C6orf89: variants seen among roughly 807,000 people sequenced by gnomAD.
C6orf89 encodes chromosome 6 open reading frame 89, also known as bombesin receptor-activated protein C6orf89.
C6orf89 carries 29 observed loss-of-function variants against 40.7 expected under a neutral mutation model. The ratio of observed to expected loss-of-function variants is 0.71; its 90% CI spans 0.53 to 0.97. C6orf89 has a LOEUF of 0.97. C6orf89 is among the 50% of genes least tolerant of loss of function. C6orf89 has a pLI of 0.00. For synonymous variants in C6orf89, 165 were observed against 152.2 expected (o/e 1.08, Z -0.62); for missense variants, 392 against 429.1 (o/e 0.91, Z 0.76).
intron 1 of C6orf89, among the ~76,000 whole-genome samples, chr6:36,878,079 C>G (rs1774707335): frequency 6.6e-6 from 1 of 152,190 alleles, no homozygotes; most frequent in African/African-American, 2.4e-5. Flanking sequence ...TGCAATGCAT[C>G]TAGAACTTAT....
intron 1 of C6orf89, among the ~76,000 whole-genome samples, chr6:36,893,039 A>T (rs756864499): frequency 6.6e-6 from 1 of 151,604 alleles, no homozygotes; most frequent in African/African-American, 2.4e-5. Flanking sequence ...GGGTCACGCC[A>T]TTCTCCTGCC....
chr6:36,886,009 G>T lies in C6orf89; in HGVS notation c.-139G>T. 9.1e-7 allele frequency: 1 copy of T among 1,096,850 alleles called. No homozygotes were observed. The highest frequency in any genetic ancestry group is 1.1e-6 in the Non-Finnish European group (1 of 922,478). The allele number at this position is 1,096,850 out of a possible 1,614,324, so 67.9% of individuals were successfully genotyped here. A position where few individuals can be genotyped will look rare whatever the true frequency, so the allele number is the denominator to read the frequency against. On this transcript the variant is annotated 5_prime_UTR_variant, in exon 1 of 9. Transcript: ENST00000480824. ...GCTGTCCCCGAGGCGGGAGGAGCCC[G>T]AGGGGCGCGAGCCCCGCATGTGAGT...
At chr6:36,901,321 A>AATT (rs1761689254) in intron 3 of C6orf89, among the ~76,000 whole-genome samples, 1 of 19,026 alleles carries the variant, frequency 5.3e-5, no homozygotes, top group Non-Finnish European at 1.0e-4. Context: ...TATTATTATT[A>AATT]TTTTTTTTTT....
chr6:36,921,756 G>T (rs937655330), intron 8 of C6orf89, among the ~76,000 whole-genome samples: 1 of 152,058 alleles, frequency 6.6e-6, no homozygotes, highest in Non-Finnish European at 1.5e-5. Context: ...GGCTGAGCAG[G>T]GTAGCTCACA....
upstream of C6orf89, among the ~76,000 whole-genome samples, chr6:36,883,035 G>A (rs992609107): frequency 2.6e-5 from 4 of 152,160 alleles, no homozygotes; most frequent in Non-Finnish European, 4.4e-5. Flanking sequence ...CACCGCGCCC[G>A]GCCTGAATTG....
intron 4 of C6orf89, among the ~76,000 whole-genome samples, chr6:36,904,610 G>T (rs949860376): frequency 6.6e-6 from 1 of 152,150 alleles, no homozygotes; most frequent in Admixed American, 6.5e-5. Flanking sequence ...AGAATTAAGT[G>T]CAACTTAATC....
chr6:36,901,318 A>ATTTTTTT (rs1408790414), intron 3 of C6orf89, among the ~76,000 whole-genome samples: 63 of 65,032 alleles, frequency 9.7e-4, no homozygotes, highest in Non-Finnish European at 1.3e-3. Context: ...TATTATTATT[A>ATTTTTTT]TTATTTTTTT....
intron 4 of C6orf89, among the ~76,000 whole-genome samples, chr6:36,911,916 T>C: frequency 7.0e-6 from 1 of 143,478 alleles, no homozygotes; most frequent in South Asian, 2.2e-4. Context: ...ATATTTCACT[T>C]CTCATCACAG....
At position 36,925,443 on chromosome 6, in the gene C6orf89, A is replaced by G. The variant is rs892962327; in HGVS notation, c.*2002A>G. 6.6e-6 allele frequency: 1 copy of G among 152,140 alleles called. No homozygotes were observed. The highest frequency in any genetic ancestry group is 2.4e-5 in the African/African-American group (1 of 41,416). The allele number at this position is 152,140 out of a possible 1,614,324, so 9.4% of individuals were successfully genotyped here. On this transcript the variant is annotated 3_prime_UTR_variant, in exon 9 of 9. Coordinates refer to ENST00000480824, the MANE Select transcript of C6orf89 (RefSeq NM_001286635.2). Reference sequence around the variant, plus strand: ...TTCACATCTTAAATGTCCATAAGAAACCCTTGCATGTGTTGGTATTCTGAG... The same window carrying G: ...TTCACATCTTAAATGTCCATAAGAAGCCCTTGCATGTGTTGGTATTCTGAG...
intron 8 of C6orf89, among the ~76,000 whole-genome samples, chr6:36,922,413 C>T (rs538938959): frequency 1.3e-5 from 2 of 152,228 alleles, no homozygotes; most frequent in East Asian, 3.9e-4. Context: ...TTCAGCATCA[C>T]TGGGGATTAT....
intron 4 of C6orf89, among the ~76,000 whole-genome samples, chr6:36,912,713 AAGGT>A (rs1036970067): frequency 6.6e-6 from 1 of 152,136 alleles, no homozygotes; most frequent in Non-Finnish European, 1.5e-5. Flanking sequence ...CTGGCTGAGA[AAGGT>A]AGGTGGCAGT....
intron 6 of C6orf89, 54 bp downstream of exon 6, chr6:36,914,747 T>C: frequency 1.3e-6 from 2 of 1,591,070 alleles, no homozygotes; most frequent in East Asian, 4.5e-5. Flanking sequence ...CCCAGCACTT[T>C]GGGAGGCCGA....
chr6:36,910,882 T>G (rs2150705601), intron 4 of C6orf89, among the ~76,000 whole-genome samples: 1 of 152,324 alleles, frequency 6.6e-6, no homozygotes, highest in East Asian at 1.9e-4. Flanking sequence ...TATTTTCCAT[T>G]TCAGTTTTTA....
chr6:36,898,704 A>G (rs1761544777), intron 2 of C6orf89, among the ~76,000 whole-genome samples: 1 of 152,174 alleles, frequency 6.6e-6, no homozygotes, highest in Non-Finnish European at 1.5e-5. Flanking sequence ...TAGGAACACA[A>G]ATTGAATTTT....
chr6:36,896,365 C>G (rs956948074), intron 2 of C6orf89, among the ~76,000 whole-genome samples: 2 of 152,164 alleles, frequency 1.3e-5, no homozygotes, highest in Admixed American at 1.3e-4. Flanking sequence ...CCTTGGCCTT[C>G]CAAAGCGCTG....
In C6orf89 at chr6:36,895,912, C is replaced by T. The variant is rs78638510; in HGVS notation, c.-20+1309C>T. Reference sequence around the variant, plus strand: ...TATGGTAACTGTGTTTAACTCTTTGCGGAACTGCCAGGCTGTTTTCCATAG... The same window carrying T: ...TATGGTAACTGTGTTTAACTCTTTGTGGAACTGCCAGGCTGTTTTCCATAG... On this transcript the variant is annotated intron_variant, in intron 2 of 8. Transcript: ENST00000480824. Among the ~76,000 whole-genome samples, 106 of 152,244 alleles carry T rather than the reference C, an allele frequency of 7.0e-4. 3 individuals are homozygous for T. In the East Asian group the frequency reaches 0.018, roughly 25 times the overall value.
At chr6:36,877,366 C>G (rs1278015631) in intron 1 of C6orf89, among the ~76,000 whole-genome samples, 1 of 152,144 alleles carries the variant, frequency 6.6e-6, no homozygotes, top group Non-Finnish European at 1.5e-5. Flanking sequence ...CAATCTCACT[C>G]TGTCGCCAGG....
intron 1 of C6orf89, chr6:36,874,971 A>G (rs1219598965): frequency 3.3e-6 from 2 of 598,480 alleles, no homozygotes; most frequent in Non-Finnish European, 5.8e-6. Context: ...GCTGGGCTCA[A>G]GAACAGAGGA....
chr6:36,900,037 G>A (rs1161699122), intron 3 of C6orf89, among the ~76,000 whole-genome samples: 4 of 151,596 alleles, frequency 2.6e-5, no homozygotes, highest in African/African-American at 9.7e-5. Flanking sequence ...ACAGGCGTGC[G>A]CCACCACACC....
Sources: gnomAD v4.1 joint callset for allele counts (sites outside exome capture counted in the v4.1 genomes callset) on GRCh38, gnomAD v4.1.1 for gene constraint, MANE v1.5 for transcripts, NCBI Gene and HGNC (gene_info 2026-07-23, HGNC 2026-07-21) for gene names.